Variants in CTNND2 observed in about 807,000 individuals in gnomAD.
CTNND2 encodes catenin delta 2, also known as catenin delta-2.
Under a neutral mutation model 144.4 loss-of-function variants are expected in CTNND2, and 22 were observed. The ratio of observed to expected loss-of-function variants is 0.15; its 90% CI spans 0.11 to 0.22. The LOEUF (loss-of-function observed/expected upper bound fraction) is 0.22. CTNND2 is among the 10% of genes least tolerant of loss of function. CTNND2 has a pLI of 1.00. For missense variants in CTNND2, 1,353 were observed against 1,618.8 expected (o/e 0.84, Z 2.82); for synonymous variants, 751 against 695.6 (o/e 1.08, Z -1.25).
intron 12 of CTNND2, among the ~76,000 whole-genome samples, chr5:11,149,220 T>G (rs1757520065): frequency 6.6e-6 from 1 of 152,180 alleles, no homozygotes; most frequent in Non-Finnish European, 1.5e-5. Flanking sequence ...TGACTCTAAC[T>G]TGTGCAAAAT....
chr5:11,237,203 T>C lies in CTNND2; in HGVS notation c.1629-380A>G, dbSNP rs367830260. On this transcript the variant is annotated intron_variant, in intron 9 of 21. Transcript: ENST00000304623. Reference sequence around the variant, plus strand: ...CCTGGCCAATTTTTTGTATTTTTAGTAGAGATGCAGTTTCACTGTGTTAGC... The same window carrying C: ...CCTGGCCAATTTTTTGTATTTTTAGCAGAGATGCAGTTTCACTGTGTTAGC... 1.2e-4 allele frequency among the ~76,000 whole-genome samples: 18 copies of C among 152,086 alleles called. No homozygotes were observed. The East Asian group carries it at 3.1e-3, about 26-fold the overall frequency.
At chr5:11,277,899 CCCAA>C (rs1160352661) in intron 9 of CTNND2, among the ~76,000 whole-genome samples, 1 of 152,106 alleles carries the variant, frequency 6.6e-6, no homozygotes, top group Non-Finnish European at 1.5e-5. Context: ...TTTCCAGACA[CCCAA>C]CCACCCCATA....
At chr5:11,822,970 A>C (rs1266284444) in intron 1 of CTNND2, among the ~76,000 whole-genome samples, 1 of 152,216 alleles carries the variant, frequency 6.6e-6, no homozygotes, top group Non-Finnish European at 1.5e-5. Flanking sequence ...CAGACCACTA[A>C]GTGTTAGAGC....
intron 3 of CTNND2, among the ~76,000 whole-genome samples, chr5:11,451,779 C>T (rs913794458): frequency 3.3e-5 from 5 of 152,126 alleles, no homozygotes; most frequent in African/African-American, 9.7e-5. Flanking sequence ...TATAACATGC[C>T]TATTTTTAAT....
intron 18 of CTNND2, among the ~76,000 whole-genome samples, chr5:11,005,297 C>T (rs987861992): frequency 6.6e-6 from 1 of 152,116 alleles, no homozygotes; most frequent in Non-Finnish European, 1.5e-5. Context: ...GCAGGGTGGA[C>T]GGAAGTCAGC....
intron 1 of CTNND2, among the ~76,000 whole-genome samples, chr5:11,866,626 C>G (rs1795781616): frequency 6.6e-6 from 1 of 152,328 alleles, no homozygotes. Flanking sequence ...AGCACAGTGC[C>G]TGGCACATCC....
chr5:11,389,740 C>T (rs769747023), intron 6 of CTNND2, among the ~76,000 whole-genome samples: 1 of 152,194 alleles, frequency 6.6e-6, no homozygotes, highest in Admixed American at 6.5e-5. Context: ...GTCTGGGAAT[C>T]CCTACTCTGA....
At chr5:11,435,427 C>A (rs1389489359) in intron 3 of CTNND2, among the ~76,000 whole-genome samples, 1 of 152,116 alleles carries the variant, frequency 6.6e-6, no homozygotes, top group Non-Finnish European at 1.5e-5. Context: ...CAAGCCTGAG[C>A]CACCGCGCCC....
chr5:11,191,409 C>T (rs967507810), intron 11 of CTNND2, among the ~76,000 whole-genome samples: 50 of 152,170 alleles, frequency 3.3e-4, no homozygotes, highest in African/African-American at 1.1e-3. Flanking sequence ...TAGAGGAAAT[C>T]CAAAATCAAA....
chr5:11,112,782 T>C (rs1365316518), intron 13 of CTNND2, among the ~76,000 whole-genome samples: 1 of 152,206 alleles, frequency 6.6e-6, no homozygotes, highest in African/African-American at 2.4e-5. Context: ...CTGTGGGGCC[T>C]TGGGCAAAGT....
chr5:11,266,761 T>C (rs1454529918), intron 9 of CTNND2, among the ~76,000 whole-genome samples: 1 of 152,260 alleles, frequency 6.6e-6, no homozygotes, highest in Non-Finnish European at 1.5e-5. Context: ...TAATTTCCAC[T>C]GCACATATTT....
chr5:11,171,152 C>A (rs145533112), intron 11 of CTNND2, among the ~76,000 whole-genome samples: 60 of 152,222 alleles, frequency 3.9e-4, no homozygotes, highest in African/African-American at 1.3e-3. Context: ...TGATCATGAG[C>A]CCTCATTTCC....
intron 2 of CTNND2, among the ~76,000 whole-genome samples, chr5:11,714,164 A>T (rs778290087): frequency 5.2e-4 from 79 of 152,344 alleles, no homozygotes; most frequent in Middle Eastern, 6.8e-3. Context: ...ATTTGATGGA[A>T]GGAGTGCTCC....
chr5:11,326,485 G>A (rs1262906062), intron 9 of CTNND2, among the ~76,000 whole-genome samples: 1 of 152,110 alleles, frequency 6.6e-6, no homozygotes, highest in Non-Finnish European at 1.5e-5. Flanking sequence ...TCACCCCTGG[G>A]ACACACCATC....
chr5:11,193,772 G>A (rs1301123939), intron 11 of CTNND2, among the ~76,000 whole-genome samples: 1 of 152,100 alleles, frequency 6.6e-6, no homozygotes, highest in Admixed American at 6.5e-5. Flanking sequence ...GGAAAAATAG[G>A]CTGGGGATGT....
intron 2 of CTNND2, among the ~76,000 whole-genome samples, chr5:11,726,979 G>A (rs1417689282): frequency 6.6e-6 from 1 of 152,162 alleles, no homozygotes; most frequent in Non-Finnish European, 1.5e-5. Context: ...ATACACATAA[G>A]AGAGCATCAG....
intron 12 of CTNND2, among the ~76,000 whole-genome samples, chr5:11,155,265 T>A (rs1459899269): frequency 1.3e-5 from 2 of 152,138 alleles, no homozygotes; most frequent in Admixed American, 1.3e-4. Flanking sequence ...GAAACAACAA[T>A]GAGTGCAAAA....
At chr5:11,309,895 T>C (rs977966092) in intron 9 of CTNND2, among the ~76,000 whole-genome samples, 1 of 152,136 alleles carries the variant, frequency 6.6e-6, no homozygotes, top group African/African-American at 2.4e-5. Context: ...CACCTTCCCC[T>C]TTGCCCTCTT....
At chr5:11,606,124 A>G (rs1315604157) in intron 2 of CTNND2, among the ~76,000 whole-genome samples, 1 of 152,182 alleles carries the variant, frequency 6.6e-6, no homozygotes, top group Non-Finnish European at 1.5e-5. Context: ...GCCAAGGAAT[A>G]CAAGTGGACT....
Sources: allele counts gnomAD v4.1 joint callset (sites outside exome capture counted in the v4.1 genomes callset), GRCh38; gene constraint gnomAD v4.1.1; transcripts MANE v1.5; gene names NCBI Gene and HGNC (gene_info 2026-07-23, HGNC 2026-07-21).